Variants in C11orf65 observed in about 807,000 individuals in gnomAD.
C11orf65 encodes protein MFI.
Under a neutral mutation model 35.3 loss-of-function variants are expected in C11orf65, and 38 were observed. The observed-to-expected ratio is 1.08, with a 90% CI of 0.83 to 1.41. The LOEUF (loss-of-function observed/expected upper bound fraction) is 1.41, where lower values mean the gene tolerates loss of function less well. C11orf65 is among the 40% of genes most tolerant of loss of function. The pLI is 0.00. For missense variants in C11orf65, 370 were observed against 367.1 expected (o/e 1.01, Z -0.06); for synonymous variants, 105 against 114.4 (o/e 0.92, Z 0.53).
chr11:108,391,584 G>A (rs2138400834), intron 7 of C11orf65, among the ~76,000 whole-genome samples: 1 of 152,258 alleles, frequency 6.6e-6, no homozygotes, highest in South Asian at 2.1e-4. Context: ...TCACCATGTT[G>A]ATCAGGCTGG....
intron 3 of C11orf65, among the ~76,000 whole-genome samples, chr11:108,426,402 C>G (rs1471375249): frequency 6.6e-6 from 1 of 151,996 alleles, no homozygotes; most frequent in African/African-American, 2.4e-5. Flanking sequence ...TTCACAATTG[C>G]TACAAAGAGA....
chr11:108,337,033 A>G (rs1160005958), intron 2 of C11orf65, among the ~76,000 whole-genome samples: 1 of 152,174 alleles, frequency 6.6e-6, no homozygotes, highest in Non-Finnish European at 1.5e-5. Flanking sequence ...TTCCACTATG[A>G]ACGTGTTTTA....
chr11:108,398,819 C>T (rs765632533), intron 6 of C11orf65, among the ~76,000 whole-genome samples: 2 of 152,164 alleles, frequency 1.3e-5, no homozygotes, highest in Non-Finnish European at 2.9e-5. Flanking sequence ...CGATGGATAA[C>T]GCATTCTGTT....
intron 1 of C11orf65, among the ~76,000 whole-genome samples, chr11:108,466,689 T>C (rs1358029984): frequency 6.6e-6 from 1 of 152,262 alleles, no homozygotes; most frequent in Non-Finnish European, 1.5e-5. Flanking sequence ...ATAAGTATTT[T>C]CCAAGCTTAT....
chr11:108,428,065 G>T (rs554109946), intron 3 of C11orf65, among the ~76,000 whole-genome samples: 8 of 151,614 alleles, frequency 5.3e-5, no homozygotes, highest in African/African-American at 1.9e-4. Context: ...TCCTGACCTC[G>T]TGATCCACCC....
At chr11:108,324,189 G>A (rs1023825175) in intron 6 of C11orf65, among the ~76,000 whole-genome samples, 1 of 152,166 alleles carries the variant, frequency 6.6e-6, no homozygotes, top group East Asian at 1.9e-4. Context: ...TAGAGGTTAT[G>A]TGTAATACTT....
chr11:108,438,715 T>C (rs1238141987), intron 2 of C11orf65, among the ~76,000 whole-genome samples: 1 of 150,836 alleles, frequency 6.6e-6, no homozygotes, highest in Non-Finnish European at 1.5e-5. Context: ...CTGGACTACA[T>C]AAAAATCAGA....
intron 7 of C11orf65, among the ~76,000 whole-genome samples, chr11:108,387,148 C>CTTTTTTTTT (rs1175890979): frequency 5.7e-4 from 48 of 84,390 alleles, no homozygotes; most frequent in African/African-American, 7.1e-4. Flanking sequence ...TTCTTTCTTT[C>CTTTTTTTTT]TTTTTTTTTT....
At chr11:108,356,392 T>C (rs1209471712) in intron 2 of C11orf65, among the ~76,000 whole-genome samples, 1 of 151,882 alleles carries the variant, frequency 6.6e-6, no homozygotes, top group Non-Finnish European at 1.5e-5. Flanking sequence ...AAAAATTAGC[T>C]GGGCGTGATG....
chr11:108,391,136 A>G (rs1398838395), intron 7 of C11orf65, among the ~76,000 whole-genome samples: 2 of 150,864 alleles, frequency 1.3e-5, no homozygotes, highest in African/African-American at 4.9e-5. Context: ...CCATTTTCTT[A>G]TCTCACTTTT....
intron 2 of C11orf65, chr11:108,365,588 T>A: frequency 6.8e-7 from 1 of 1,479,772 alleles, no homozygotes; most frequent in Non-Finnish European, 9.2e-7. Flanking sequence ...CCAACATACT[T>A]TAAGTAGGGA....
chr11:108,327,547 A>G, downstream of C11orf65: 1 of 1,002,986 alleles, frequency 1.0e-6, no homozygotes, highest in Non-Finnish European at 1.5e-6. Context: ...CCACCAAGGA[A>G]AAACATTTTT....
chr11:108,365,722 T>G, intron 2 of C11orf65: 1 of 660,706 alleles, frequency 1.5e-6, no homozygotes, highest in Non-Finnish European at 2.5e-6. Context: ...TTAGAAATAA[T>G]GGTCATTCGG....
At chr11:108,450,775 A>C (rs907162262) in intron 2 of C11orf65, among the ~76,000 whole-genome samples, 5 of 151,652 alleles carry the variant, frequency 3.3e-5, no homozygotes, top group Non-Finnish European at 7.4e-5. Context: ...AAAGTATAAT[A>C]ATAATAAAAT....
intron 2 of C11orf65, among the ~76,000 whole-genome samples, chr11:108,359,918 T>C (rs187875652): frequency 3.3e-5 from 5 of 152,004 alleles, no homozygotes; most frequent in Non-Finnish European, 2.9e-5. Context: ...CATTCAAAAG[T>C]TAGCAGAAGG....
intron 7 of C11orf65, among the ~76,000 whole-genome samples, chr11:108,392,939 C>T (rs2092200284): frequency 6.6e-6 from 1 of 152,070 alleles, no homozygotes; most frequent in South Asian, 2.1e-4. Context: ...TTCTAAATCC[C>T]AAAGTAAGAA....
chr11:108,314,454 A>AT lies in C11orf65; in HGVS notation c.641-5384dup, dbSNP rs10716099. On this transcript the variant is annotated intron_variant, in intron 6 of 6. Coordinates refer to the C11orf65 transcript ENST00000525729. ...AAGATTGTTTGGTTTTGTTTGTGTGATTTTTTTTTTTTTATGTGATATAAG... is the reference window on the plus strand; with the variant it reads ...AAGATTGTTTGGTTTTGTTTGTGTGATTTTTTTTTTTTTTATGTGATATAAG... Among the ~76,000 whole-genome samples, 1,442 of 148,514 alleles carry AT rather than the reference A, an allele frequency of 9.7e-3. 11 individuals are homozygous for AT. Among genetic ancestry groups the AT allele is most frequent in the African/African-American group, 0.018 (728 of 40,358 alleles).
At chr11:108,451,761 C>G (rs964072522) in intron 2 of C11orf65, among the ~76,000 whole-genome samples, 2 of 152,184 alleles carry the variant, frequency 1.3e-5, no homozygotes, top group African/African-American at 4.8e-5. Flanking sequence ...AAGTCTACTA[C>G]AAGGCTACAG....
intron 2 of C11orf65, among the ~76,000 whole-genome samples, chr11:108,339,690 C>G (rs538981804): frequency 1.1e-4 from 17 of 152,098 alleles, no homozygotes; most frequent in Non-Finnish European, 2.5e-4. Context: ...AAAAGCCAAC[C>G]CATTCCTTTC....
Sources: allele counts gnomAD v4.1 joint callset (sites outside exome capture counted in the v4.1 genomes callset), GRCh38; gene constraint gnomAD v4.1.1; transcripts MANE v1.5; gene names NCBI Gene and HGNC (gene_info 2026-07-23, HGNC 2026-07-21).